The following ARMH4 variants were observed in gnomAD, a reference collection of about 807,000 sequenced individuals.
ARMH4 encodes armadillo like helical domain containing 4.
A neutral mutation model predicts 61.9 loss-of-function variants in ARMH4; 49 were observed. The ratio of observed to expected loss-of-function variants is 0.79; its 90% CI spans 0.63 to 1.00. The LOEUF (loss-of-function observed/expected upper bound fraction) is 1.00, where lower values mean the gene tolerates loss of function less well. Ranked by LOEUF, ARMH4 falls within the 50% of genes least tolerant of loss-of-function variation. The pLI is 0.00. For missense variants in ARMH4, 934 were observed against 930.0 expected, an observed-to-expected ratio of 1.00 and a Z score of -0.06; for synonymous variants, 368 against 341.5, an observed-to-expected ratio of 1.08 and a Z score of -0.85.
intron 4 of ARMH4, among the ~76,000 whole-genome samples, chr14:58,127,047 CT>C (rs1886918451): frequency 6.6e-6 from 1 of 152,106 alleles, no homozygotes; most frequent in Admixed American, 6.6e-5. Context: ...CGTGATCCAC[CT>C]GCCTCGACCT....
At chr14:58,005,330 TA>T in intron 6 of ARMH4, 148 bp from the exon 7 acceptor site, 1 of 999,290 alleles carries the variant, frequency 1.0e-6, no homozygotes, top group Non-Finnish European at 1.4e-6. Flanking sequence ...TAAAATACAG[TA>T]ACTTTTTAGG....
chr14:58,042,099 A>C (rs1883735109), intron 5 of ARMH4, among the ~76,000 whole-genome samples: 1 of 152,170 alleles, frequency 6.6e-6, no homozygotes, highest in Non-Finnish European at 1.5e-5. Context: ...AGCAGACCTA[A>C]TAGACATCTA....
chr14:58,032,648 A>T (rs990416310), intron 5 of ARMH4, among the ~76,000 whole-genome samples: 13 of 151,662 alleles, frequency 8.6e-5, no homozygotes, highest in African/African-American at 2.2e-4. Flanking sequence ...TACCGGGTTC[A>T]TCTCACTAGG....
intron 5 of ARMH4, among the ~76,000 whole-genome samples, chr14:58,076,871 C>T (rs912299180): frequency 6.6e-6 from 1 of 152,186 alleles, no homozygotes; most frequent in African/African-American, 2.4e-5. Flanking sequence ...GCCACCCTGC[C>T]AAGAATCCTA....
At chr14:58,141,273 C>T (rs187614885) in intron 1 of ARMH4, 12 of 330,354 alleles carry the variant, frequency 3.6e-5, no homozygotes, top group East Asian at 7.8e-5. Context: ...GGGCTGCAGA[C>T]GCAGAGATGC....
Position 58,135,276 on chromosome 14 carries a change from A to G in ARMH4, c.1370-1935T>C, listed in dbSNP as rs557282376. Among the ~76,000 whole-genome samples, 19 of 152,178 alleles carry G rather than the reference A, an allele frequency of 1.2e-4. No individual in the cohort carries two copies. In the South Asian group the frequency reaches 3.9e-3, roughly 32 times the overall value. On this transcript the variant is annotated intron_variant, in intron 2 of 7. Transcript: ENST00000267485. ...TGTCTCTCTTTTTTTCCTTTCTCCA[A>G]TATTACTGTAAATCCCTAGAGAGCC...
intron 5 of ARMH4, among the ~76,000 whole-genome samples, chr14:58,052,918 C>T (rs1461116708): frequency 6.6e-6 from 1 of 152,124 alleles, no homozygotes; most frequent in Non-Finnish European, 1.5e-5. Context: ...TTCTGCCCTG[C>T]TCTCTCTCAT....
intron 4 of ARMH4, among the ~76,000 whole-genome samples, chr14:58,100,532 G>T (rs1050395982): frequency 3.3e-5 from 5 of 152,124 alleles, no homozygotes; most frequent in African/African-American, 1.2e-4. Context: ...GTGTGAAGGA[G>T]TAATTATAAA....
intron 5 of ARMH4, among the ~76,000 whole-genome samples, chr14:58,095,108 T>C (rs965974630): frequency 1.4e-4 from 22 of 152,196 alleles, no homozygotes; most frequent in Admixed American, 2.6e-4. Context: ...TCAAAGATGG[T>C]AAGTCCACTT....
rs184273086 is a variant in ARMH4 at position 58,106,145 on chromosome 14, C to T, written c.1832-9164G>A. 8.5e-5 allele frequency among the ~76,000 whole-genome samples: 13 copies of T among 152,300 alleles called. No individual in the cohort carries two copies. The South Asian group carries it at 1.7e-3, about 19-fold the overall frequency. On this transcript the variant is annotated intron_variant, in intron 4 of 7. Coordinates refer to ENST00000267485, the MANE Select transcript of ARMH4 (RefSeq NM_001001872.4). ...GTTGAACCAGCATCTCTTTAGAAGA[C>T]GTGTCCCACTGAGTCCAGCATGCAC...
intron 5 of ARMH4, among the ~76,000 whole-genome samples, chr14:58,082,233 A>C (rs1885251597): frequency 6.6e-6 from 1 of 152,198 alleles, no homozygotes; most frequent in African/African-American, 2.4e-5. Context: ...CTTTTCCTCA[A>C]ATACAGTCAT....
chr14:58,044,096 C>T (rs1407577972), intron 5 of ARMH4, among the ~76,000 whole-genome samples: 3 of 152,070 alleles, frequency 2.0e-5, no homozygotes, highest in African/African-American at 7.2e-5. Context: ...ACTTTCTTCA[C>T]AGAATTGGAA....
intron 4 of ARMH4, among the ~76,000 whole-genome samples, chr14:58,098,788 T>A (rs80259483): frequency 3.4e-4 from 52 of 151,722 alleles, no homozygotes; most frequent in African/African-American, 1.2e-3. Flanking sequence ...TTTTTTTTTT[T>A]AAGTCTTTTA....
chr14:58,058,260 C>CA (rs1234722605), intron 5 of ARMH4, among the ~76,000 whole-genome samples: 1 of 151,990 alleles, frequency 6.6e-6, no homozygotes, highest in African/African-American at 2.4e-5. Context: ...ACATAAATGC[C>CA]ATGTAAATAG....
intron 1 of ARMH4, among the ~76,000 whole-genome samples, chr14:58,144,546 A>G (rs1341747443): frequency 6.6e-6 from 1 of 152,122 alleles, no homozygotes; most frequent in African/African-American, 2.4e-5. Context: ...ACCCTGTCTC[A>G]AAAACAAACA....
rs955675829 is a variant in ARMH4, at chr14:58,152,121, G to C, written c.-103C>G. The C allele has an allele frequency of 2.4e-4, 39 of 159,816 alleles. No homozygotes were observed. Among genetic ancestry groups the C allele is most frequent in the African/African-American group, 8.7e-4 (36 of 41,524 alleles). The allele number at this position is 159,816 out of a possible 1,614,324, so 9.9% of individuals were successfully genotyped here. A position where few individuals can be genotyped will look rare whatever the true frequency, so the allele number is the denominator to read the frequency against. ...GCGCGCGGAGGACAGAGGCAGCGGCGGCGCGGGCGCTCGGCATCCCAGCGG... is the reference window on the plus strand; with the variant it reads ...GCGCGCGGAGGACAGAGGCAGCGGCCGCGCGGGCGCTCGGCATCCCAGCGG... On this transcript the variant is annotated 5_prime_UTR_variant, in exon 1 of 8. Transcript: ENST00000267485.
At chr14:58,047,065 C>G (rs1883968932) in intron 5 of ARMH4, among the ~76,000 whole-genome samples, 1 of 152,164 alleles carries the variant, frequency 6.6e-6, no homozygotes, top group Non-Finnish European at 1.5e-5. Flanking sequence ...CTGGAAGAGA[C>G]TCTATTCCCC....
chr14:58,098,429 GCAAA>G (rs1885836301), intron 4 of ARMH4, among the ~76,000 whole-genome samples: 1 of 152,184 alleles, frequency 6.6e-6, no homozygotes, highest in African/African-American at 2.4e-5. Flanking sequence ...GAGACTCACA[GCAAA>G]CAAACAGATA....
intron 5 of ARMH4, among the ~76,000 whole-genome samples, chr14:58,059,326 G>A (rs1046885470): frequency 1.1e-4 from 16 of 152,216 alleles, no homozygotes; most frequent in African/African-American, 3.9e-4. Flanking sequence ...GCTCCCAGGG[G>A]ACCTGAGGAA....
Sources: gnomAD v4.1 joint callset for allele counts (sites outside exome capture counted in the v4.1 genomes callset) on GRCh38, gnomAD v4.1.1 for gene constraint, MANE v1.5 for transcripts, NCBI Gene and HGNC (gene_info 2026-07-23, HGNC 2026-07-21) for gene names.